RAB38: variants seen among roughly 807,000 people sequenced by gnomAD.
The protein encoded by RAB38 is ras-related protein Rab-38.
A neutral mutation model predicts 18.4 loss-of-function variants in RAB38; 15 were observed. That is an observed-to-expected ratio of 0.82 (90% CI 0.55 to 1.26). RAB38 has a LOEUF of 1.26. Among genes scored for constraint, RAB38 ranks in the 50% most tolerant of loss-of-function variants. The pLI is 0.00. For synonymous variants in RAB38, 101 were observed against 104.4 expected, an observed-to-expected ratio of 0.97 and a Z score of 0.20; for missense variants, 294 against 267.4, an observed-to-expected ratio of 1.10 and a Z score of -0.69.
At position 88,114,052 on chromosome 11, in the gene RAB38, TC is replaced by T; in HGVS notation, c.571del (p.Asp191ThrfsTer3). 6.2e-7 allele frequency: 1 copy of T among 1,614,196 alleles called. No homozygotes were observed. Among genetic ancestry groups the T allele is most frequent in the Non-Finnish European group, 8.5e-7 (1 of 1,180,030 alleles). ...TGATGTGAGATGGGGCTTCACGACG[TC>T]CGGCTCAATAGACTCCATTAGGTCA... Reference protein sequence around the residue: ...ECDLMESIEPDVVKPHLTSTK... With the variant: ...ECDLMESIEPXVVKPHLTSTK... On this transcript the variant is annotated frameshift_variant, in exon 3 of 3. Transcript: ENST00000243662. LOFTEE classifies it high-confidence loss of function.
chr11:88,069,159 G>A, the RAB38 span, among the ~76,000 whole-genome samples: 716 of 152,324 alleles, frequency 4.7e-3, 3 homozygotes, highest in African/African-American at 0.016. Flanking sequence ...TGCCAGCACC[G>A]CTGGCTCTGG....
intron 2 of RAB38, among the ~76,000 whole-genome samples, chr11:88,115,053 A>G (rs1942529841): frequency 6.6e-6 from 1 of 152,222 alleles, no homozygotes; most frequent in African/African-American, 2.4e-5. Context: ...TTGAATCTAA[A>G]ATATGTCAGT....
At chr11:87,846,593 T>A in the RAB38 span, among the ~76,000 whole-genome samples, 1 of 152,078 alleles carries the variant, frequency 6.6e-6, no homozygotes, top group Admixed American at 6.6e-5. Context: ...AAATACAATT[T>A]TTTTGTCATA....
At chr11:87,925,325 T>C in the RAB38 span, among the ~76,000 whole-genome samples, 1 of 152,030 alleles carries the variant, frequency 6.6e-6, no homozygotes, top group African/African-American at 2.4e-5. Context: ...TAATGCTAAC[T>C]TAAGGAATTT....
intron 1 of RAB38, among the ~76,000 whole-genome samples, chr11:88,168,812 C>T (rs7119288): frequency 6.6e-6 from 1 of 152,154 alleles, no homozygotes; most frequent in Non-Finnish European, 1.5e-5. Context: ...GCCTCAAGGA[C>T]TCCAGTCACT....
chr11:87,843,832 A>G, the RAB38 span, among the ~76,000 whole-genome samples: 1 of 152,198 alleles, frequency 6.6e-6, no homozygotes, highest in Non-Finnish European at 1.5e-5. Flanking sequence ...AAGAAAATCT[A>G]TTATAGGGTT....
At chr11:87,819,691 TGTGTGTGTGTGTATATATATATATAC>T in the RAB38 span, among the ~76,000 whole-genome samples, 1 of 144,602 alleles carries the variant, frequency 6.9e-6, no homozygotes, top group African/African-American at 2.6e-5. Context: ...TATATATATA[TGTGTGTGTGTGTATATATATATATAC>T]GTGTATGTAT....
At chr11:87,953,987 C>A in the RAB38 span, among the ~76,000 whole-genome samples, 9 of 151,882 alleles carry the variant, frequency 5.9e-5, no homozygotes, top group African/African-American at 2.2e-4. Flanking sequence ...GAAAGACATT[C>A]CAGCAGGAGG....
intron 2 of RAB38, among the ~76,000 whole-genome samples, chr11:88,146,954 G>A (rs1051788955): frequency 1.3e-5 from 2 of 152,160 alleles, no homozygotes; most frequent in Non-Finnish European, 2.9e-5. Context: ...ACCTAAGTAA[G>A]GTGGGTCAGC....
At chr11:87,962,835 T>G in the RAB38 span, among the ~76,000 whole-genome samples, 2 of 152,182 alleles carry the variant, frequency 1.3e-5, no homozygotes, top group East Asian at 1.9e-4. Flanking sequence ...AATAAGTATT[T>G]CAAGTGATGG....
chr11:88,151,259 C>T (rs1434801620), intron 1 of RAB38, among the ~76,000 whole-genome samples: 1 of 152,208 alleles, frequency 6.6e-6, no homozygotes, highest in Non-Finnish European at 1.5e-5. Context: ...GTACCTTATA[C>T]TTGAGTTTTC....
At chr11:87,965,688 C>T in the RAB38 span, among the ~76,000 whole-genome samples, 6 of 152,086 alleles carry the variant, frequency 3.9e-5, no homozygotes, top group South Asian at 1.0e-3. Flanking sequence ...AAAACACATG[C>T]GAACTACCTG....
chr11:87,878,204 C>CATATATATATATATAT, the RAB38 span, among the ~76,000 whole-genome samples: 13 of 98,254 alleles, frequency 1.3e-4, no homozygotes, highest in African/African-American at 4.1e-4. Flanking sequence ...ATGTGCTAAA[C>CATATATATATATATAT]ATATATATAT....
chr11:87,930,113 AGTTCTAGAT>A, the RAB38 span, among the ~76,000 whole-genome samples: 3 of 152,010 alleles, frequency 2.0e-5, no homozygotes, highest in Non-Finnish European at 4.4e-5. Flanking sequence ...TGGTATTTCT[AGTTCTAGAT>A]CCCTGAGGAA....
At chr11:88,154,580 C>A (rs1331630400) in intron 1 of RAB38, among the ~76,000 whole-genome samples, 3 of 152,224 alleles carry the variant, frequency 2.0e-5, no homozygotes. Flanking sequence ...GGAGCACCCA[C>A]TTGCCTGGAC....
chr11:88,150,030 T>C, intron 1 of RAB38, 75 bp from the exon 2 acceptor site: 2 of 1,448,578 alleles, frequency 1.4e-6, no homozygotes, highest in Non-Finnish European at 1.9e-6. Flanking sequence ...TCATGAAGCC[T>C]CCAAGATGAG....
chr11:87,861,891 G>A, the RAB38 span, among the ~76,000 whole-genome samples: 17 of 151,360 alleles, frequency 1.1e-4, no homozygotes, highest in Non-Finnish European at 3.0e-5. Context: ...TATATTCCCA[G>A]GACCCTCATC....
At chr11:88,035,350 T>A in the RAB38 span, among the ~76,000 whole-genome samples, 1 of 152,252 alleles carries the variant, frequency 6.6e-6, no homozygotes, top group Non-Finnish European at 1.5e-5. Context: ...CTCTAACAAC[T>A]TTTAAGATTT....
At chr11:87,976,840 T>G in the RAB38 span, among the ~76,000 whole-genome samples, 2 of 116,328 alleles carry the variant, frequency 1.7e-5, 1 homozygote, top group Non-Finnish European at 3.2e-5. Context: ...TATAAATATA[T>G]ATTGTGTTAT....
Sources: gnomAD v4.1 joint callset for allele counts (sites outside exome capture counted in the v4.1 genomes callset) on GRCh38, gnomAD v4.1.1 for gene constraint, MANE v1.5 for transcripts, NCBI Gene and HGNC (gene_info 2026-07-23, HGNC 2026-07-21) for gene names.